The following SGCZ variants were observed in gnomAD, a reference collection of about 807,000 sequenced individuals.
The protein encoded by SGCZ is zeta-sarcoglycan.
A neutral mutation model predicts 41.3 loss-of-function variants in SGCZ; 40 were observed. The ratio of observed to expected loss-of-function variants is 0.97; its 90% confidence interval spans 0.75 to 1.26. The LOEUF is 1.26. Among genes scored for constraint, SGCZ ranks in the 50% most tolerant of loss-of-function variants. The pLI is 0.00. For missense variants in SGCZ, 552 were observed against 369.8 expected (o/e 1.49, Z -4.04); for synonymous variants, 206 against 137.5 (o/e 1.50, Z -3.49).
intron 2 of SGCZ, among the ~76,000 whole-genome samples, chr8:14,545,552 T>C (rs1032859207): frequency 5.9e-5 from 9 of 152,176 alleles, no homozygotes; most frequent in Non-Finnish European, 1.0e-4. Flanking sequence ...TATATGCTAT[T>C]ACTTGCAAAA....
intron 1 of SGCZ, among the ~76,000 whole-genome samples, chr8:15,214,303 A>G (rs1801330003): frequency 6.6e-6 from 1 of 152,140 alleles, no homozygotes; most frequent in Non-Finnish European, 1.5e-5. Flanking sequence ...GGAACATGCA[A>G]AACAGCCTGA....
intron 1 of SGCZ, among the ~76,000 whole-genome samples, chr8:14,847,397 A>T (rs1169840764): frequency 1.3e-5 from 2 of 152,080 alleles, no homozygotes; most frequent in Non-Finnish European, 2.9e-5. Flanking sequence ...TCAGTCCATC[A>T]AACAAGATAT....
In SGCZ at chr8:15,147,300, C is replaced by T. The variant is rs572067101; in HGVS notation, c.39+90285G>A. ...CGCTGTTTTGTTCTGTTTTTTGAGA[C>T]GGGCTTTCACTCTTTTTGACCAGGC... is the stretch of plus-strand genomic sequence containing the variant. On this transcript the variant is annotated intron_variant, in intron 1 of 7. Coordinates refer to ENST00000382080, the MANE Select transcript of SGCZ (RefSeq NM_139167.4). Among the ~76,000 whole-genome samples, 14 of 152,136 alleles carry T rather than the reference C, an allele frequency of 9.2e-5. No homozygotes were observed. The South Asian group carries it at 1.2e-3, about 14-fold the overall frequency.
chr8:14,195,431 C>G (rs987638007), intron 4 of SGCZ, among the ~76,000 whole-genome samples: 1 of 151,946 alleles, frequency 6.6e-6, no homozygotes, highest in South Asian at 2.1e-4. Context: ...GCTGAGTTCA[C>G]GTACTTAGAA....
intron 1 of SGCZ, among the ~76,000 whole-genome samples, chr8:15,085,491 G>A (rs144037960): frequency 6.6e-6 from 1 of 152,258 alleles, no homozygotes; most frequent in African/African-American, 2.4e-5. Context: ...TTCCCCAGGA[G>A]TGGCATTGTC....
At chr8:14,399,082 G>A (rs1275468270) in intron 2 of SGCZ, among the ~76,000 whole-genome samples, 2 of 152,020 alleles carry the variant, frequency 1.3e-5, no homozygotes, top group Non-Finnish European at 2.9e-5. Flanking sequence ...AACCAAACGT[G>A]ATCATTATTA....
intron 4 of SGCZ, among the ~76,000 whole-genome samples, chr8:14,236,617 T>G (rs550436587): frequency 3.3e-5 from 5 of 151,482 alleles, no homozygotes; most frequent in Non-Finnish European, 7.4e-5. Context: ...GTCCTCAAAA[T>G]TGTAATTTAC....
chr8:14,547,187 C>A (rs1803655827), intron 2 of SGCZ, among the ~76,000 whole-genome samples: 1 of 152,196 alleles, frequency 6.6e-6, no homozygotes, highest in African/African-American at 2.4e-5. Context: ...ATTAAAGAAA[C>A]TCAGCATATT....
At chr8:14,958,184 A>T (rs993209979) in intron 1 of SGCZ, among the ~76,000 whole-genome samples, 11 of 151,970 alleles carry the variant, frequency 7.2e-5, no homozygotes, top group Non-Finnish European at 1.2e-4. Flanking sequence ...AAACAAAAAG[A>T]GTAACAGTTT....
At chr8:14,363,461 G>A (rs1404118766) in intron 2 of SGCZ, among the ~76,000 whole-genome samples, 1 of 152,122 alleles carries the variant, frequency 6.6e-6, no homozygotes, top group Non-Finnish European at 1.5e-5. Context: ...ATGCCCGTAG[G>A]TAATAAGCCC....
chr8:14,237,417 C>T (rs1202790530), intron 4 of SGCZ, among the ~76,000 whole-genome samples, 175 bp downstream of exon 4: 5 of 151,986 alleles, frequency 3.3e-5, no homozygotes, highest in Admixed American at 1.3e-4. Flanking sequence ...TGCTTGACCT[C>T]GTGATCTGCC....
At chr8:14,123,928 G>A (rs1375759020) in intron 5 of SGCZ, among the ~76,000 whole-genome samples, 1 of 152,094 alleles carries the variant, frequency 6.6e-6, no homozygotes, top group Non-Finnish European at 1.5e-5. Context: ...GGAAGAGAGA[G>A]GCACAAGAAT....
intron 1 of SGCZ, among the ~76,000 whole-genome samples, chr8:15,038,586 A>G (rs1382958987): frequency 6.6e-6 from 1 of 152,066 alleles, no homozygotes; most frequent in Non-Finnish European, 1.5e-5. Flanking sequence ...CGCACAGGCA[A>G]AAAAGCAAAA....
At chr8:14,888,609 A>T (rs1804897596) in intron 1 of SGCZ, among the ~76,000 whole-genome samples, 1 of 152,208 alleles carries the variant, frequency 6.6e-6, no homozygotes, top group Non-Finnish European at 1.5e-5. Context: ...AGAAATCATT[A>T]ACGTAAGATC....
At chr8:14,526,016 A>T (rs1802936721) in intron 2 of SGCZ, among the ~76,000 whole-genome samples, 1 of 152,168 alleles carries the variant, frequency 6.6e-6, no homozygotes, top group Admixed American at 6.6e-5. Flanking sequence ...GGTTTCTGTA[A>T]TAATTGTTTT....
At chr8:14,993,366 G>T (rs1274817301) in intron 1 of SGCZ, among the ~76,000 whole-genome samples, 1 of 152,044 alleles carries the variant, frequency 6.6e-6, no homozygotes, top group Non-Finnish European at 1.5e-5. Flanking sequence ...GCTATTCTAG[G>T]AATGGGGCTT....
chr8:15,052,129 A>G (rs1804537303), intron 1 of SGCZ, among the ~76,000 whole-genome samples: 1 of 152,186 alleles, frequency 6.6e-6, no homozygotes, highest in African/African-American at 2.4e-5. Context: ...GTCTATCAAG[A>G]TTTCATCAAG....
intron 1 of SGCZ, among the ~76,000 whole-genome samples, chr8:14,575,051 T>C (rs1265819865): frequency 6.6e-6 from 1 of 152,236 alleles, no homozygotes; most frequent in Non-Finnish European, 1.5e-5. Context: ...TATATCCTTA[T>C]TAGCCACCAA....
intron 2 of SGCZ, among the ~76,000 whole-genome samples, chr8:14,363,507 C>T (rs1803600289): frequency 6.6e-6 from 1 of 152,090 alleles, no homozygotes; most frequent in Admixed American, 6.5e-5. Flanking sequence ...TATTTGCATC[C>T]AGATGGTATC....
Sources: allele counts gnomAD v4.1 joint callset (sites outside exome capture counted in the v4.1 genomes callset), GRCh38; gene constraint gnomAD v4.1.1; transcripts MANE v1.5; gene names NCBI Gene and HGNC (gene_info 2026-07-23, HGNC 2026-07-21).